FRA10AC1: variants seen among roughly 807,000 people sequenced by gnomAD.
The protein encoded by FRA10AC1 is FRA10A associated CGG repeat 1.
In FRA10AC1, 43 loss-of-function variants were observed where a neutral mutation model predicts 56.5. That is an observed-to-expected ratio of 0.76 (90% confidence interval 0.60 to 0.98). The LOEUF (loss-of-function observed/expected upper bound fraction) is 0.98, where lower values mean the gene tolerates loss of function less well. Ranked by LOEUF, FRA10AC1 falls within the 50% of genes least tolerant of loss-of-function variation. The pLI, the probability that FRA10AC1 is intolerant of heterozygous loss-of-function variation, is 0.00. For missense variants in FRA10AC1, 346 were observed against 351.8 expected, an observed-to-expected ratio of 0.98 and a Z score of 0.13; for synonymous variants, 112 against 110.5, an observed-to-expected ratio of 1.01 and a Z score of -0.09.
intron 7 of FRA10AC1, among the ~76,000 whole-genome samples, chr10:93,688,389 T>C (rs1161824500): frequency 6.6e-6 from 1 of 152,114 alleles, no homozygotes; most frequent in Non-Finnish European, 1.5e-5. Flanking sequence ...CAGAGGATTT[T>C]TAGGGCAGTG....
chr10:93,677,175 A>G (rs1564812752), intron 11 of FRA10AC1, among the ~76,000 whole-genome samples: 1 of 152,170 alleles, frequency 6.6e-6, no homozygotes, highest in Non-Finnish European at 1.5e-5. Flanking sequence ...TCTCAGCTCT[A>G]CAATGGTCAT....
chr10:93,694,096 AAAAACAAAAAC>A (rs1233527547), intron 5 of FRA10AC1, among the ~76,000 whole-genome samples: 1 of 151,972 alleles, frequency 6.6e-6, no homozygotes, highest in African/African-American at 2.4e-5. Flanking sequence ...AAAAATTTAA[AAAAACAAAAAC>A]AAAACAAAAC....
chr10:93,670,958 ACT>A (rs2058751455), intron 12 of FRA10AC1, 110 bp from the exon 13 acceptor site: 1 of 661,058 alleles, frequency 1.5e-6, no homozygotes, highest in Admixed American at 2.6e-5. Flanking sequence ...AACTTTTATG[ACT>A]CTCTAGAAAT....
intron 5 of FRA10AC1, among the ~76,000 whole-genome samples, chr10:93,693,509 CACCATATAT>C (rs1564820147): frequency 2.1e-4 from 4 of 19,168 alleles, no homozygotes; most frequent in African/African-American, 3.6e-4. Context: ...TATATATATA[CACCATATAT>C]ATATATATAC....
chr10:93,685,378 T>A lies in FRA10AC1; in HGVS notation c.512-19A>T. On this transcript the variant is annotated intron_variant, in intron 8 of 13. Coordinates refer to ENST00000359204, the MANE Select transcript of FRA10AC1 (RefSeq NM_145246.5). ...AATTGACCTGCAGAAAGGAAAGGAA[T>A]ATTAGCTATGGTAGTTGGTGATAAT... 9.3e-7 allele frequency: 1 copy of A among 1,070,384 alleles called. No individual in the cohort carries two copies. Among genetic ancestry groups the A allele is most frequent in the Non-Finnish European group, 1.4e-6 (1 of 694,188 alleles). The allele number at this position is 1,070,384 out of a possible 1,614,324, so 66.3% of individuals were successfully genotyped here.
At chr10:93,695,421 C>G (rs1321480177) in intron 4 of FRA10AC1, among the ~76,000 whole-genome samples, 3 of 151,328 alleles carry the variant, frequency 2.0e-5, no homozygotes, top group African/African-American at 7.3e-5. Flanking sequence ...ATAATTAAAT[C>G]CCAACATTAA....
In FRA10AC1 at chr10:93,668,011, T is replaced by C. The variant is rs959650968; in HGVS notation, c.*1815A>G. ...AATGATTGCATAATTACTTCCTAGA[T>C]GGTTCCTTTACAGCCATGCCCAGCT... is the stretch of plus-strand genomic sequence containing the variant. On this transcript the variant is annotated 3_prime_UTR_variant, in exon 14 of 14. Transcript: ENST00000359204. The C allele has an allele frequency of 5.3e-5, 8 of 152,218 alleles. No homozygotes were observed. The highest frequency in any genetic ancestry group is 1.7e-4 in the African/African-American group (7 of 41,466). The allele number at this position is 152,218 out of a possible 1,614,324, so 9.4% of individuals were successfully genotyped here.
Position 93,698,197 on chromosome 10 carries a change from T to G in FRA10AC1, c.174-16A>C. On this transcript the variant is annotated splice_polypyrimidine_tract_variant and intron_variant, in intron 3 of 13. Transcript: ENST00000359204. The stretch of plus-strand genomic sequence containing the variant: ...TGCTTCTTCCCTGTTAAAACAAATT[T>G]TTTTAAGAAAATTCAAAATGTTTAT... The G allele has an allele frequency of 6.4e-7, 1 of 1,567,158 alleles. No individual in the cohort carries two copies. The highest frequency in any genetic ancestry group is 2.3e-5 in the East Asian group (1 of 44,176).
chr10:93,681,665 T>G, intron 10 of FRA10AC1, 67 bp from the exon 11 acceptor site: 4 of 1,372,212 alleles, frequency 2.9e-6, no homozygotes, highest in Non-Finnish European at 3.8e-6. Flanking sequence ...ATAACCATCA[T>G]ATGAACAAAA....
chr10:93,694,741 AAAAG>A, intron 5 of FRA10AC1, 116 bp downstream of exon 5: 2 of 486,146 alleles, frequency 4.1e-6, no homozygotes, highest in Middle Eastern at 3.9e-4. Flanking sequence ...AAAAAAAAAA[AAAAG>A]GCACACCGGA....
chr10:93,700,482 ATTG>A (rs1270204451), intron 1 of FRA10AC1, among the ~76,000 whole-genome samples: 1 of 152,226 alleles, frequency 6.6e-6, no homozygotes, highest in Non-Finnish European at 1.5e-5. Context: ...TGTTCTAGAC[ATTG>A]TGTTAAATAC....
At chr10:93,699,857 C>A (rs2059299931) in intron 2 of FRA10AC1, among the ~76,000 whole-genome samples, 173 bp downstream of exon 2, 1 of 152,158 alleles carries the variant, frequency 6.6e-6, no homozygotes, top group African/African-American at 2.4e-5. Context: ...ATTTTTCCCA[C>A]AATTGTTCTC....
At chr10:93,699,870 A>G (rs1353982483) in intron 2 of FRA10AC1, among the ~76,000 whole-genome samples, 160 bp downstream of exon 2, 1 of 152,216 alleles carries the variant, frequency 6.6e-6, no homozygotes, top group Non-Finnish European at 1.5e-5. Context: ...TTGTTCTCCA[A>G]TTTTTAATCA....
At chr10:93,693,211 TAAA>T (rs548877208) in intron 5 of FRA10AC1, among the ~76,000 whole-genome samples, 1 of 115,736 alleles carries the variant, frequency 8.6e-6, no homozygotes. Flanking sequence ...AGTCTGGGGG[TAAA>T]AAAAAAAAGG....
chr10:93,687,738 G>A (rs1470427736), intron 7 of FRA10AC1: 1 of 218,322 alleles, frequency 4.6e-6, no homozygotes, highest in African/African-American at 2.3e-5. Context: ...AAAAAAAGAG[G>A]TTATGGTATA....
chr10:93,687,366 G>T, intron 8 of FRA10AC1, 38 bp downstream of exon 8: 1 of 1,386,484 alleles, frequency 7.2e-7, no homozygotes, highest in Non-Finnish European at 9.8e-7. Context: ...AACAAAATAA[G>T]TTTATCCTAT....
upstream of FRA10AC1, chr10:93,702,934 C>T (rs899169476): frequency 4.4e-6 from 2 of 454,708 alleles, no homozygotes; most frequent in Non-Finnish European, 8.9e-6. Flanking sequence ...CTCAGAGCAG[C>T]TCATCAGCGC....
At chr10:93,697,928 T>C (rs1380982486) in intron 4 of FRA10AC1, among the ~76,000 whole-genome samples, 4 of 152,174 alleles carry the variant, frequency 2.6e-5, no homozygotes, top group African/African-American at 9.6e-5. Flanking sequence ...ACTAGTAATA[T>C]GTTTTATTAT....
At chr10:93,688,578 T>C (rs1033979458) in intron 7 of FRA10AC1, among the ~76,000 whole-genome samples, 2 of 152,120 alleles carry the variant, frequency 1.3e-5, no homozygotes, top group South Asian at 2.1e-4. Flanking sequence ...ATGCTGACAG[T>C]AGGGGATGTT....
Sources: allele counts gnomAD v4.1 joint callset (sites outside exome capture counted in the v4.1 genomes callset), GRCh38; gene constraint gnomAD v4.1.1; transcripts MANE v1.5; gene names NCBI Gene and HGNC (gene_info 2026-07-23, HGNC 2026-07-21).